ACYP2: variants seen among roughly 807,000 people sequenced by gnomAD.
ACYP2 encodes acylphosphatase-2.
A neutral mutation model predicts 11.2 loss-of-function variants in ACYP2; 12 were observed. That is an observed-to-expected ratio of 1.08 (90% CI 0.69 to 1.74). ACYP2 has a LOEUF of 1.74. Ranked by LOEUF, ACYP2 falls within the 40% of genes most tolerant of loss-of-function variation. The pLI is 0.00. For synonymous variants in ACYP2, 43 were observed against 32.2 expected, an observed-to-expected ratio of 1.33 and a Z score of -1.13; for missense variants, 134 against 101.9, an observed-to-expected ratio of 1.31 and a Z score of -1.35.
chr2:54,021,555 G>C (rs1182447209), intron 2 of ACYP2, among the ~76,000 whole-genome samples: 1 of 152,176 alleles, frequency 6.6e-6, no homozygotes, highest in Non-Finnish European at 1.5e-5. Context: ...AAATGTGCAT[G>C]TATTTAAAAT....
intron 4 of ACYP2, chr2:54,057,497 G>A: frequency 2.6e-6 from 1 of 386,812 alleles, no homozygotes; most frequent in East Asian, 3.7e-5. Context: ...AAGTGCCCAT[G>A]TAAAAGAAAC....
In ACYP2 at chr2:54,199,868, CT is replaced by C. The variant is rs370268994; in HGVS notation, c.404+61121del. ...ATGCGGGACCCACGCTGATGGGTGC[CT>C]GGTGATCGTTGCAATGGTTCTGTAT... On this transcript the variant is annotated intron_variant, in intron 6 of 6. Transcript: ENST00000607452. Among the ~76,000 whole-genome samples the C allele has an allele frequency of 9.2e-4, 140 of 152,330 alleles. 1 individual carries two copies. The highest frequency in any genetic ancestry group is 2.6e-3 in the African/African-American group (109 of 41,580).
chr2:54,031,056 A>G (rs892168885), intron 2 of ACYP2, among the ~76,000 whole-genome samples: 1 of 152,196 alleles, frequency 6.6e-6, no homozygotes, highest in Non-Finnish European at 1.5e-5. Flanking sequence ...CATGTGCTAT[A>G]ACAGAGGAAG....
At chr2:54,118,767 A>G (rs564307312) in intron 4 of ACYP2, among the ~76,000 whole-genome samples, 8 of 152,358 alleles carry the variant, frequency 5.3e-5, no homozygotes, top group African/African-American at 1.9e-4. Flanking sequence ...TATAGTTTGC[A>G]GTATGCTAAA....
At chr2:54,109,673 A>G (rs764521956) in intron 4 of ACYP2, among the ~76,000 whole-genome samples, 10 of 152,218 alleles carry the variant, frequency 6.6e-5, no homozygotes, top group Non-Finnish European at 1.5e-4. Context: ...AAAACATATA[A>G]TAGGATACTA....
At chr2:54,255,350 C>G (rs776273630) in intron 6 of ACYP2, 4 of 1,614,142 alleles carry the variant, frequency 2.5e-6, no homozygotes, top group African/African-American at 1.3e-5. Flanking sequence ...GCATCTTGGC[C>G]TCTAATCATG....
intron 6 of ACYP2, among the ~76,000 whole-genome samples, chr2:54,170,907 C>G (rs1288173564): frequency 3.3e-5 from 5 of 152,166 alleles, no homozygotes; most frequent in Non-Finnish European, 5.9e-5. Context: ...ACAATCACCT[C>G]CTCACTGCCC....
intron 4 of ACYP2, among the ~76,000 whole-genome samples, chr2:54,063,724 G>T (rs923460458): frequency 2.0e-5 from 3 of 152,232 alleles, no homozygotes; most frequent in Admixed American, 6.5e-5. Flanking sequence ...ACTATAGCTA[G>T]TTGGCTTCCT....
At chr2:54,264,950 A>AACTT (rs1357791872) in intron 6 of ACYP2, among the ~76,000 whole-genome samples, 1 of 152,346 alleles carries the variant, frequency 6.6e-6, no homozygotes, top group African/African-American at 2.4e-5. Flanking sequence ...AGGTATTTCC[A>AACTT]ACTTACCTTC....
chr2:54,256,040 C>T (rs780166717), intron 6 of ACYP2: 17 of 1,614,074 alleles, frequency 1.1e-5, no homozygotes, highest in Non-Finnish European at 1.4e-5. Context: ...TCAAACATAT[C>T]TGCCATTACC....
intron 6 of ACYP2, among the ~76,000 whole-genome samples, chr2:54,294,199 C>T (rs1384977587): frequency 1.3e-5 from 2 of 152,200 alleles, no homozygotes; most frequent in African/African-American, 4.8e-5. Context: ...GCTTTAATTT[C>T]ACCTCTGTTT....
intron 2 of ACYP2, among the ~76,000 whole-genome samples, chr2:54,034,145 G>T (rs1674744492): frequency 6.6e-6 from 1 of 152,172 alleles, no homozygotes; most frequent in African/African-American, 2.4e-5. Context: ...ATCACTTGAG[G>T]TCAGGAGTTT....
At chr2:54,082,999 G>A (rs1677746835) in intron 4 of ACYP2, among the ~76,000 whole-genome samples, 2 of 151,854 alleles carry the variant, frequency 1.3e-5, no homozygotes, top group Admixed American at 6.6e-5. Context: ...CACTTTAACT[G>A]GGAGGCAGTG....
chr2:53,975,660 G>A (rs562269565), intron 2 of ACYP2, among the ~76,000 whole-genome samples: 26 of 152,068 alleles, frequency 1.7e-4, no homozygotes, highest in Admixed American at 9.2e-4. Context: ...CTGAAACCCC[G>A]TCTCTACTAA....
At chr2:54,301,361 C>A (rs1025080844) in intron 6 of ACYP2, among the ~76,000 whole-genome samples, 5 of 152,176 alleles carry the variant, frequency 3.3e-5, no homozygotes, top group Admixed American at 3.3e-4. Flanking sequence ...TCTCTGAGTA[C>A]CTTGACCAGA....
At chr2:54,219,431 AAG>A (rs760264164) in intron 6 of ACYP2, among the ~76,000 whole-genome samples, 86 of 152,174 alleles carry the variant, frequency 5.7e-4, no homozygotes, top group Non-Finnish European at 8.2e-4. Flanking sequence ...TGCCACCGTG[AAG>A]AGTTTGGGTT....
At chr2:54,212,685 C>G (rs866921476) in intron 6 of ACYP2, among the ~76,000 whole-genome samples, 5 of 152,328 alleles carry the variant, frequency 3.3e-5, no homozygotes, top group Middle Eastern at 3.4e-3. Context: ...AGTCAGCTCA[C>G]CCATGTGGTC....
intron 6 of ACYP2, among the ~76,000 whole-genome samples, chr2:54,201,442 T>C (rs1684758133): frequency 6.6e-6 from 1 of 152,064 alleles, no homozygotes. Flanking sequence ...GTAAGAGTTC[T>C]TTATATATTT....
At chr2:54,269,756 C>T (rs13419158) in intron 6 of ACYP2, among the ~76,000 whole-genome samples, 1,795 of 152,318 alleles carry the variant, frequency 0.012, 42 homozygotes, top group African/African-American at 0.041. Flanking sequence ...ATAACTAGTA[C>T]AGCTGTTCCC....
Sources: gnomAD v4.1 joint callset for allele counts (sites outside exome capture counted in the v4.1 genomes callset) on GRCh38, gnomAD v4.1.1 for gene constraint, MANE v1.5 for transcripts, NCBI Gene and HGNC (gene_info 2026-07-23, HGNC 2026-07-21) for gene names.